VPS13B: variants seen among roughly 807,000 people sequenced by gnomAD.
VPS13B encodes vacuolar protein sorting 13 homolog B.
Under a neutral mutation model 426.4 loss-of-function variants are expected in VPS13B, and 285 were observed. The ratio of observed to expected loss-of-function variants is 0.67; its 90% CI spans 0.61 to 0.74. The LOEUF is 0.74. Ranked by LOEUF, VPS13B falls within the 30% of genes least tolerant of loss-of-function variation. The pLI, the probability that VPS13B is intolerant of heterozygous loss-of-function variation, is 0.00. For missense variants in VPS13B, 4,537 were observed against 4,782.6 expected (o/e 0.95, Z 1.51); for synonymous variants, 1,676 against 1,676.4 (o/e 1.00, Z 0.01).
chr8:99,507,082 T>C, intron 27 of VPS13B, 55 bp from the exon 28 acceptor site: 1 of 1,597,108 alleles, frequency 6.3e-7, no homozygotes, highest in Admixed American at 1.7e-5. Flanking sequence ...GTATGTTCAA[T>C]TTCTTAACTC....
chr8:99,540,256 T>C (rs1823542153), intron 30 of VPS13B, among the ~76,000 whole-genome samples: 1 of 150,054 alleles, frequency 6.7e-6, no homozygotes, highest in African/African-American at 2.5e-5. Flanking sequence ...ATTTTTTGTA[T>C]TTTTAGTAGA....
chr8:99,872,240 G>A (rs1388997286), intron 61 of VPS13B, among the ~76,000 whole-genome samples: 4 of 152,178 alleles, frequency 2.6e-5, no homozygotes, highest in Non-Finnish European at 4.4e-5. Context: ...CATGAAACAA[G>A]ACTCTCCACT....
At chr8:99,210,316 A>G (rs917077362) in intron 17 of VPS13B, among the ~76,000 whole-genome samples, 8 of 152,168 alleles carry the variant, frequency 5.3e-5, no homozygotes, top group Non-Finnish European at 1.2e-4. Context: ...CTTGTGGCAT[A>G]CAGTTCTTTT....
chr8:99,311,618 C>G (rs1252775587), intron 19 of VPS13B, among the ~76,000 whole-genome samples: 2 of 152,016 alleles, frequency 1.3e-5, no homozygotes, highest in Non-Finnish European at 2.9e-5. Flanking sequence ...AATAAGTGTG[C>G]TGTGGTGCTG....
At chr8:99,233,299 A>G in intron 17 of VPS13B, 2 of 1,125,406 alleles carry the variant, frequency 1.8e-6, no homozygotes, top group South Asian at 2.5e-5. Flanking sequence ...TGTGGAAGAG[A>G]GCACTCTGAT....
At chr8:99,643,542 G>T (rs1829456420) in intron 34 of VPS13B, among the ~76,000 whole-genome samples, 1 of 152,154 alleles carries the variant, frequency 6.6e-6, no homozygotes, top group South Asian at 2.1e-4. Flanking sequence ...CCTGCTTTAA[G>T]AAAGGGGTAA....
chr8:99,374,611 A>G (rs528478154), intron 19 of VPS13B, among the ~76,000 whole-genome samples: 8 of 152,290 alleles, frequency 5.3e-5, no homozygotes, highest in East Asian at 1.9e-4. Context: ...AATGTTGTAT[A>G]TAAAGAGAAT....
chr8:99,340,380 A>G, intron 19 of VPS13B: 1 of 419,740 alleles, frequency 2.4e-6, no homozygotes, highest in South Asian at 2.0e-5. Context: ...CTGGGAAGAA[A>G]TCATCATGGT....
intron 3 of VPS13B, among the ~76,000 whole-genome samples, chr8:99,062,744 T>C (rs1844260221): frequency 6.6e-6 from 1 of 152,022 alleles, no homozygotes; most frequent in South Asian, 2.1e-4. Context: ...GCTGGGATTA[T>C]AGGTGTAAGC....
chr8:99,303,549 A>G (rs922233969), intron 19 of VPS13B, among the ~76,000 whole-genome samples: 11 of 151,420 alleles, frequency 7.3e-5, no homozygotes, highest in African/African-American at 2.4e-4. Context: ...AAGCAACTGC[A>G]GAAACTCTGC....
chr8:99,657,809 T>C lies in VPS13B; in HGVS notation c.5909-3545T>C, dbSNP rs186864023. 7.2e-5 allele frequency among the ~76,000 whole-genome samples: 11 copies of C among 152,316 alleles called. No individual in the cohort carries two copies. In the East Asian group the frequency reaches 7.7e-4, roughly 11 times the overall value. On this transcript the variant is annotated intron_variant, in intron 34 of 61. Transcript: ENST00000357162. ...TTAAGGTACAGTACTAAAGACGGCC[T>C]TCCTGATTCCAAGGACATGTACATT... is the stretch of plus-strand genomic sequence containing the variant.
intron 30 of VPS13B, among the ~76,000 whole-genome samples, chr8:99,535,734 C>T (rs1481341452): frequency 6.6e-6 from 1 of 152,108 alleles, no homozygotes; most frequent in African/African-American, 2.4e-5. Context: ...AAACCTTACT[C>T]ATTCTCATTC....
chr8:99,225,633 C>T (rs1186219050), intron 17 of VPS13B, among the ~76,000 whole-genome samples: 1 of 152,186 alleles, frequency 6.6e-6, no homozygotes, highest in African/African-American at 2.4e-5. Flanking sequence ...CTCTTGTCTG[C>T]ATCTTGTAAG....
Position 99,476,815 on chromosome 8 carries a change from C to A in VPS13B, c.3667-4784C>A, listed in dbSNP as rs1290205160. 2.0e-5 allele frequency among the ~76,000 whole-genome samples: 3 copies of A among 152,114 alleles called. No individual in the cohort carries two copies. The East Asian group carries it at 5.8e-4, about 29-fold the overall frequency. ...CAGTAGGAACTGCATACAGGAAGTA[C>A]TAAGGAACATTTTTCATGCTGAAAG... On this transcript the variant is annotated intron_variant, in intron 24 of 61. Coordinates refer to ENST00000357162, the MANE Select transcript of VPS13B (RefSeq NM_152564.5).
At chr8:99,671,881 C>G (rs1210266956) in intron 35 of VPS13B, among the ~76,000 whole-genome samples, 1 of 152,076 alleles carries the variant, frequency 6.6e-6, no homozygotes, top group African/African-American at 2.4e-5. Context: ...TTGAAGAGAC[C>G]ATCCTTTCCC....
At chr8:99,529,710 A>G (rs985847863) in intron 30 of VPS13B, among the ~76,000 whole-genome samples, 13 of 152,220 alleles carry the variant, frequency 8.5e-5, no homozygotes, top group African/African-American at 3.1e-4. Flanking sequence ...TACAAGGGCA[A>G]AGTAATTCAC....
At chr8:99,015,355 T>C (rs925245604) in intron 2 of VPS13B, among the ~76,000 whole-genome samples, 3 of 151,644 alleles carry the variant, frequency 2.0e-5, no homozygotes, top group African/African-American at 7.3e-5. Flanking sequence ...TAGTTGGGAT[T>C]ACAGGCGCCC....
At chr8:99,030,221 GT>G (rs56881588) in intron 2 of VPS13B, among the ~76,000 whole-genome samples, 5 of 123,682 alleles carry the variant, frequency 4.0e-5, no homozygotes, top group East Asian at 2.5e-4. Flanking sequence ...TGTTTTTTTT[GT>G]TTTTTTTTTT....
At chr8:99,782,503 G>A (rs562972537) in intron 42 of VPS13B, among the ~76,000 whole-genome samples, 1 of 151,882 alleles carries the variant, frequency 6.6e-6, no homozygotes, top group Non-Finnish European at 1.5e-5. Flanking sequence ...ATCTCAGAAG[G>A]CTGCTCTTAA....
Sources: gnomAD v4.1 joint callset for allele counts (sites outside exome capture counted in the v4.1 genomes callset) on GRCh38, gnomAD v4.1.1 for gene constraint, MANE v1.5 for transcripts, NCBI Gene and HGNC (gene_info 2026-07-23, HGNC 2026-07-21) for gene names.